TRPC4: variants seen among roughly 807,000 people sequenced by gnomAD.
TRPC4 encodes the protein short transient receptor potential channel 4.
A neutral mutation model predicts 99.4 loss-of-function variants in TRPC4; 49 were observed. The ratio of observed to expected loss-of-function variants is 0.49; its 90% CI spans 0.39 to 0.63. TRPC4 has a LOEUF of 0.63. Ranked by LOEUF, TRPC4 falls within the 20% of genes least tolerant of loss-of-function variation. The pLI is 0.00. For synonymous variants in TRPC4, 454 were observed against 425.9 expected (o/e 1.07, Z -0.81); for missense variants, 898 against 1,152.9 (o/e 0.78, Z 3.20).
chr13:37,633,071 C>G lies in TRPC4; in HGVS notation c.*3832G>C, dbSNP rs1000326454. 1.3e-5 allele frequency among the ~76,000 whole-genome samples: 2 copies of G among 152,048 alleles called. No individual in the cohort carries two copies. The highest frequency in any genetic ancestry group is 1.3e-4 in the Admixed American group (2 of 15,248). ...ATAAATTCCCTGGGCTTTACTTTCC[C>G]CAGTTATCTACAGTGAACTTATTTA... On this transcript the variant is annotated 3_prime_UTR_variant, in exon 11 of 11. Transcript: ENST00000379705.
chr13:37,858,937 G>A (rs1361058939), intron 1 of TRPC4, among the ~76,000 whole-genome samples: 1 of 151,328 alleles, frequency 6.6e-6, no homozygotes, highest in African/African-American at 2.4e-5. Flanking sequence ...GGGCATAAAT[G>A]GATGGTTTGT....
At chr13:37,748,176 A>C (rs1955837677) in intron 2 of TRPC4, among the ~76,000 whole-genome samples, 1 of 152,164 alleles carries the variant, frequency 6.6e-6, no homozygotes, top group African/African-American at 2.4e-5. Context: ...TGGTAACTGA[A>C]ACTGATGAAA....
chr13:37,733,653 G>A (rs1319883396), intron 3 of TRPC4, among the ~76,000 whole-genome samples: 1 of 151,926 alleles, frequency 6.6e-6, no homozygotes, highest in Non-Finnish European at 1.5e-5. Flanking sequence ...TGGTATTGAC[G>A]ATCCTAGGTC....
At chr13:37,683,845 T>C (rs1222067802) in intron 4 of TRPC4, among the ~76,000 whole-genome samples, 1 of 152,158 alleles carries the variant, frequency 6.6e-6, no homozygotes, top group Admixed American at 6.5e-5. Flanking sequence ...CAGGCCTTTA[T>C]TGGGAAGAGA....
chr13:37,864,622 A>G (rs998281792), intron 1 of TRPC4, among the ~76,000 whole-genome samples: 1 of 151,686 alleles, frequency 6.6e-6, no homozygotes, highest in Admixed American at 6.6e-5. Context: ...AAACTCACAC[A>G]GTTTTGAAAA....
At chr13:37,665,743 G>T (rs1486963023) in intron 5 of TRPC4, among the ~76,000 whole-genome samples, 1 of 150,420 alleles carries the variant, frequency 6.6e-6, no homozygotes, top group Non-Finnish European at 1.5e-5. Context: ...ATCCAGGTCA[G>T]CTGGATGTGG....
chr13:37,781,294 A>G (rs1390245220), intron 2 of TRPC4, among the ~76,000 whole-genome samples: 1 of 152,140 alleles, frequency 6.6e-6, no homozygotes, highest in Non-Finnish European at 1.5e-5. Context: ...AATGATTTAC[A>G]TCACAGCCAA....
intron 3 of TRPC4, among the ~76,000 whole-genome samples, chr13:37,743,688 A>G (rs1166524015): frequency 6.6e-6 from 1 of 152,204 alleles, no homozygotes; most frequent in Non-Finnish European, 1.5e-5. Flanking sequence ...TTAATGCATG[A>G]CCAAAGTGTA....
intron 1 of TRPC4, among the ~76,000 whole-genome samples, chr13:37,792,956 G>A (rs1472862887): frequency 6.6e-6 from 1 of 152,058 alleles, no homozygotes; most frequent in African/African-American, 2.4e-5. Flanking sequence ...GGTGGTGGTA[G>A]TGTTGTGTGT....
intron 1 of TRPC4, among the ~76,000 whole-genome samples, chr13:37,810,054 C>A (rs1717115558): frequency 6.6e-6 from 1 of 152,016 alleles, no homozygotes. Context: ...AAACATGGCA[C>A]AATAGAAACA....
chr13:37,833,197 A>T (rs1268963204), intron 1 of TRPC4, among the ~76,000 whole-genome samples: 2 of 151,580 alleles, frequency 1.3e-5, no homozygotes, highest in African/African-American at 4.9e-5. Flanking sequence ...TGCATTCTTC[A>T]TCTCCTATTT....
intron 4 of TRPC4, among the ~76,000 whole-genome samples, chr13:37,675,409 C>T (rs1953012206): frequency 6.6e-6 from 1 of 152,184 alleles, no homozygotes; most frequent in Admixed American, 6.5e-5. Flanking sequence ...ATCCAAGAGA[C>T]TCGGCTGACT....
intron 3 of TRPC4, among the ~76,000 whole-genome samples, chr13:37,739,023 G>C (rs1478915879): frequency 6.6e-6 from 1 of 152,124 alleles, no homozygotes; most frequent in Non-Finnish European, 1.5e-5. Context: ...GTAGTGTTGT[G>C]AGTAATGTTT....
At chr13:37,738,689 G>A (rs553631840) in intron 3 of TRPC4, among the ~76,000 whole-genome samples, 212 of 152,260 alleles carry the variant, frequency 1.4e-3, no homozygotes, top group Middle Eastern at 6.8e-3. Flanking sequence ...TAGGGCCAAC[G>A]TCAAGAGATG....
intron 1 of TRPC4, among the ~76,000 whole-genome samples, chr13:37,850,901 C>A (rs1003383870): frequency 6.6e-6 from 1 of 152,166 alleles, no homozygotes; most frequent in Non-Finnish European, 1.5e-5. Context: ...GTAATTCCCA[C>A]GTCCTGGTGA....
intron 4 of TRPC4, among the ~76,000 whole-genome samples, chr13:37,675,148 A>T (rs1425423556): frequency 1.3e-5 from 2 of 152,192 alleles, no homozygotes; most frequent in African/African-American, 4.8e-5. Flanking sequence ...TTTTTAGGAT[A>T]ATACTCTGAA....
chr13:37,718,289 G>A (rs117589710), intron 3 of TRPC4, among the ~76,000 whole-genome samples: 1,010 of 151,488 alleles, frequency 6.7e-3, no homozygotes, highest in Non-Finnish European at 0.011. Flanking sequence ...ACGCACACAC[G>A]CACATACACA....
At chr13:37,671,318 A>T (rs1952831388) in intron 5 of TRPC4, among the ~76,000 whole-genome samples, 1 of 152,180 alleles carries the variant, frequency 6.6e-6, no homozygotes, top group African/African-American at 2.4e-5. Flanking sequence ...ACAAATCAGA[A>T]AATCAGAGTG....
intron 3 of TRPC4, among the ~76,000 whole-genome samples, chr13:37,716,951 A>G (rs1954692656): frequency 6.7e-6 from 1 of 149,380 alleles, no homozygotes; most frequent in South Asian, 2.1e-4. Flanking sequence ...ACGGTGGTAA[A>G]ATATCATAGA....
Sources: allele counts gnomAD v4.1 joint callset (sites outside exome capture counted in the v4.1 genomes callset), GRCh38; gene constraint gnomAD v4.1.1; transcripts MANE v1.5; gene names NCBI Gene and HGNC (gene_info 2026-07-23, HGNC 2026-07-21).